Variants in CDKL1 observed in about 807,000 individuals in gnomAD.
The protein encoded by CDKL1 is cyclin dependent kinase like 1.
CDKL1 carries 41 observed loss-of-function variants against 42.0 expected under a neutral mutation model. The ratio of observed to expected loss-of-function variants is 0.98; its 90% CI spans 0.76 to 1.27. The LOEUF (loss-of-function observed/expected upper bound fraction) is 1.27, where lower values mean the gene tolerates loss of function less well. CDKL1 is among the 50% of genes most tolerant of loss of function. CDKL1 has a pLI of 0.00. For missense variants in CDKL1, 394 were observed against 428.4 expected, an observed-to-expected ratio of 0.92 and a Z score of 0.71; for synonymous variants, 153 against 158.6, an observed-to-expected ratio of 0.96 and a Z score of 0.26.
chr14:50,395,829 A>C lies in CDKL1; in HGVS notation c.40T>G (p.Ser14Ala). Residue 14 changes from serine (S) to alanine (A), a missense_variant, in exon 2 of 10, where the codon TCC (serine) becomes GCC (alanine). Ser to Ala is a moderately conservative substitution (Grantham distance 99, BLOSUM62 1). Coordinates refer to ENST00000395834, the MANE Select transcript of CDKL1 (RefSeq NM_004196.7). ...CTACATTTGAAAACAACTCCATAGG[A>C]TCCTTCTCCAATTTTCCCAATTTTT... ...YEKIGKIGEG[S>A]YGVVFKCRNR... 2 of 1,610,104 alleles carry C rather than the reference A, an allele frequency of 1.2e-6. No individual in the cohort carries two copies. The highest frequency in any genetic ancestry group is 1.1e-5 in the South Asian group (1 of 90,982).
In CDKL1 at chr14:50,395,969, G is replaced by C; in HGVS notation, c.-101C>G. ...GGAGGCTGAGGCGGGCAGATCACCTGAGGTCAGGAGTTCGAGACCAGTCTG... is the reference window on the plus strand; with the variant it reads ...GGAGGCTGAGGCGGGCAGATCACCTCAGGTCAGGAGTTCGAGACCAGTCTG... On this transcript the variant is annotated 5_prime_UTR_variant, in exon 2 of 10. Coordinates refer to ENST00000395834, the MANE Select transcript of CDKL1 (RefSeq NM_004196.7). The C allele has an allele frequency of 3.5e-6, 4 of 1,147,038 alleles. No homozygotes were observed. The South Asian group carries it at 3.9e-5, about 11-fold the overall frequency. The allele number at this position is 1,147,038 out of a possible 1,614,324, so 71.1% of individuals were successfully genotyped here. A position where few individuals can be genotyped will look rare whatever the true frequency, so the allele number is the denominator to read the frequency against.
intron 7 of CDKL1, chr14:50,336,236 T>G (rs1212955979): frequency 7.6e-7 from 1 of 1,308,398 alleles, no homozygotes; most frequent in South Asian, 1.2e-5. Context: ...GCACAGATGT[T>G]CAACCAGTGC....
chr14:50,336,648 G>C (rs192000742), intron 7 of CDKL1, among the ~76,000 whole-genome samples: 5 of 152,130 alleles, frequency 3.3e-5, no homozygotes, highest in Non-Finnish European at 7.3e-5. Context: ...AGAAACTGGA[G>C]GGTTAGTTTC....
intron 2 of CDKL1, among the ~76,000 whole-genome samples, chr14:50,374,092 G>A (rs1000906638): frequency 4.6e-5 from 7 of 152,136 alleles, no homozygotes; most frequent in African/African-American, 1.2e-4. Flanking sequence ...ATCATCCACC[G>A]ATAAAATAAG....
chr14:50,326,719 G>C lies in CDKL1; in HGVS notation c.*3355C>G, dbSNP rs1255987026. ...ATAAAGGAAACAGTAAAAACTAGTG[G>C]GCTATGCTTAGGTTTTTCTTGAAAC... On this transcript the variant is annotated 3_prime_UTR_variant, in exon 10 of 10. Coordinates refer to ENST00000395834, the MANE Select transcript of CDKL1 (RefSeq NM_004196.7). The C allele has an allele frequency of 1.0e-6, 1 of 985,232 alleles. No homozygotes were observed. Among genetic ancestry groups the C allele is most frequent in the African/African-American group, 1.7e-5 (1 of 57,184 alleles). 61.0% of individuals were successfully genotyped at this position (985,232 alleles called of 1,614,324 possible). A position where few individuals can be genotyped will look rare whatever the true frequency, so the allele number is the denominator to read the frequency against.
chr14:50,342,703 G>C, intron 4 of CDKL1: 2 of 321,542 alleles, frequency 6.2e-6, no homozygotes, highest in Non-Finnish European at 5.0e-6. Flanking sequence ...TGCAGGAGCT[G>C]CAAATTGGTG....
chr14:50,383,029 G>A (rs963221529), intron 2 of CDKL1, among the ~76,000 whole-genome samples: 4 of 151,024 alleles, frequency 2.6e-5, no homozygotes, highest in Non-Finnish European at 5.9e-5. Flanking sequence ...CCAGGTTCAC[G>A]CCATTCTCCT....
intron 9 of CDKL1, chr14:50,331,123 C>T (rs2032916336): frequency 6.6e-6 from 1 of 152,290 alleles, no homozygotes; most frequent in African/African-American, 2.4e-5. Context: ...ATCCCAGCTA[C>T]TGGGGAGGCT....
rs923485612 is a variant in CDKL1 at position 50,376,783 on chromosome 14, G to A, written c.169-17634C>T. Among the ~76,000 whole-genome samples the A allele has an allele frequency of 4.6e-5, 7 of 152,060 alleles. 1 individual carries two copies. The East Asian group carries it at 5.8e-4, about 13-fold the overall frequency. On this transcript the variant is annotated intron_variant, in intron 2 of 9. Coordinates refer to ENST00000395834, the MANE Select transcript of CDKL1 (RefSeq NM_004196.7). The stretch of plus-strand genomic sequence containing the variant: ...CTGCTGGACACTACTGTAAGATCTG[G>A]GATTATATACTTAACAAAACTGACA...
chr14:50,373,596 A>G (rs2034646753), intron 2 of CDKL1, among the ~76,000 whole-genome samples: 1 of 152,256 alleles, frequency 6.6e-6, no homozygotes, highest in Admixed American at 6.5e-5. Context: ...GACCAAAAAA[A>G]TGAGCAAAAG....
At position 50,366,561 on chromosome 14, in the gene CDKL1, G is replaced by C. The variant is rs767188243; in HGVS notation, c.169-7412C>G. Among the ~76,000 whole-genome samples, 32 of 152,172 alleles carry C rather than the reference G, an allele frequency of 2.1e-4. 1 individual carries two copies. The highest frequency in any genetic ancestry group is 2.9e-5 in the Non-Finnish European group (2 of 68,040). ...AGCAAGACGTGATATGATACCATGGGGCTCTTAAAAGCTCACTACAGCAAC... is the reference window on the plus strand; with the variant it reads ...AGCAAGACGTGATATGATACCATGGCGCTCTTAAAAGCTCACTACAGCAAC... On this transcript the variant is annotated intron_variant, in intron 2 of 9. Transcript: ENST00000395834.
At chr14:50,338,855 A>G in intron 7 of CDKL1, 92 bp downstream of exon 7, 4 of 841,190 alleles carry the variant, frequency 4.8e-6, no homozygotes, top group Middle Eastern at 2.2e-4. Flanking sequence ...CTGACCTCCA[A>G]TGCAGGGTGA....
At chr14:50,376,063 G>A (rs1442923613) in intron 2 of CDKL1, among the ~76,000 whole-genome samples, 2 of 152,168 alleles carry the variant, frequency 1.3e-5, no homozygotes, top group African/African-American at 2.4e-5. Flanking sequence ...TAAATGTAAT[G>A]TAGTTTCCTA....
At position 50,326,291 on chromosome 14, in the gene CDKL1, A is replaced by G. The variant is rs2032699700; in HGVS notation, c.*3783T>C. ...TTTAATTCTAATATATTCATTTAAT[A>G]TGTAAATCTATAGATATCTCTTGAT... On this transcript the variant is annotated 3_prime_UTR_variant, in exon 10 of 10. Transcript: ENST00000395834. 1 of 477,890 alleles carries G rather than the reference A, an allele frequency of 2.1e-6. No homozygotes were observed. The highest frequency in any genetic ancestry group is 1.5e-4 in the East Asian group (1 of 6,556). The allele number at this position is 477,890 out of a possible 1,614,324, so 29.6% of individuals were successfully genotyped here.
chr14:50,336,600 G>C (rs1337677331), intron 7 of CDKL1, among the ~76,000 whole-genome samples: 1 of 152,196 alleles, frequency 6.6e-6, no homozygotes, highest in African/African-American at 2.4e-5. Context: ...ACAAGTGGTA[G>C]AGACAGAACT....
chr14:50,383,028 C>T (rs55814489), intron 2 of CDKL1, among the ~76,000 whole-genome samples: 4 of 151,952 alleles, frequency 2.6e-5, no homozygotes, highest in East Asian at 2.0e-4. Flanking sequence ...CCCAGGTTCA[C>T]GCCATTCTCC....
chr14:50,331,319 A>G (rs7154788), intron 9 of CDKL1: 62,186 of 152,100 alleles, frequency 0.41, 13,246 homozygotes, highest in East Asian at 0.62. Flanking sequence ...CTCGAATACA[A>G]ACTAATACTG....
In CDKL1 at chr14:50,326,422, A is replaced by C. The variant is rs2032705381; in HGVS notation, c.*3652T>G. On this transcript the variant is annotated 3_prime_UTR_variant, in exon 10 of 10. Coordinates refer to ENST00000395834, the MANE Select transcript of CDKL1 (RefSeq NM_004196.7). ...TAGTGAAGCATACTACCATAAATGC[A>C]CAATTATGAAAAATTAGAAGCTAAA... 6 of 976,308 alleles carry C rather than the reference A, an allele frequency of 6.1e-6. No individual in the cohort carries two copies. The highest frequency in any genetic ancestry group is 6.1e-6 in the Non-Finnish European group (5 of 821,776). 60.5% of individuals were successfully genotyped at this position (976,308 alleles called of 1,614,324 possible). A position where few individuals can be genotyped will look rare whatever the true frequency, so the allele number is the denominator to read the frequency against.
chr14:50,344,900 C>G (rs1243959049), intron 4 of CDKL1, 86 bp downstream of exon 4: 2 of 1,157,566 alleles, frequency 1.7e-6, no homozygotes, highest in Non-Finnish European at 2.5e-6. Context: ...ATTTTACCCA[C>G]AGAAGTGTGA....
Sources: allele counts gnomAD v4.1 joint callset (sites outside exome capture counted in the v4.1 genomes callset), GRCh38; gene constraint gnomAD v4.1.1; transcripts MANE v1.5; gene names NCBI Gene and HGNC (gene_info 2026-07-23, HGNC 2026-07-21).